Variants in SLC1A6 observed in about 807,000 individuals in gnomAD.
SLC1A6 encodes excitatory amino acid transporter 4.
SLC1A6 carries 15 observed loss-of-function variants against 42.1 expected under a neutral mutation model. The observed-to-expected ratio is 0.36, with a 90% CI of 0.24 to 0.55. The LOEUF is 0.55. SLC1A6 is among the 20% of genes least tolerant of loss of function. SLC1A6 has a pLI of 0.88. For synonymous variants in SLC1A6, 317 were observed against 319.7 expected (o/e 0.99, Z 0.09); for missense variants, 542 against 772.5 (o/e 0.70, Z 3.54).
intron 3 of SLC1A6, among the ~76,000 whole-genome samples, chr19:14,971,417 G>A (rs1420579680): frequency 1.3e-5 from 2 of 152,018 alleles, no homozygotes; most frequent in Admixed American, 6.6e-5. Context: ...CCATAGCCCA[G>A]CCACCCTCCC....
At chr19:14,989,835 T>C (rs1227165791) in intron 1 of SLC1A6, among the ~76,000 whole-genome samples, 1 of 151,034 alleles carries the variant, frequency 6.6e-6, no homozygotes, top group Non-Finnish European at 1.5e-5. Flanking sequence ...GTACTAAACA[T>C]ACAAAAATCA....
At position 14,950,350 on chromosome 19, in the gene SLC1A6, T is replaced by C. The variant is rs752878402; in HGVS notation, c.1540A>G (p.Ile514Val). 49 of 1,606,920 alleles carry C rather than the reference T, an allele frequency of 3.0e-5. No homozygotes were observed. The Middle Eastern group carries it at 9.9e-4, about 32-fold the overall frequency. Reference sequence around the variant, plus strand: ...AAGTGCTCGATGACGGCCGCTCCAATTGAGTCCCCCAGTACGTTGGTCATT... The same window carrying C: ...AAGTGCTCGATGACGGCCGCTCCAACTGAGTCCCCCAGTACGTTGGTCATT... ...RTMTNVLGDSIGAAVIEHLSQ... is the reference protein window; with the variant it reads ...RTMTNVLGDSVGAAVIEHLSQ... Residue 514 changes from isoleucine (I) to valine (V), a missense_variant, in exon 10 of 10, where the codon ATT becomes GTT. Physicochemically the swap from Ile to Val is conservative, Grantham distance 29. Transcript: ENST00000594383.
chr19:14,997,310 A>T (rs1049058095), intron 1 of SLC1A6, among the ~76,000 whole-genome samples: 1 of 152,154 alleles, frequency 6.6e-6, no homozygotes, highest in Non-Finnish European at 1.5e-5. Flanking sequence ...CTTCTTACAG[A>T]TATTTACTGA....
chr19:14,975,151 G>A (rs74932373), intron 1 of SLC1A6: 4,597 of 125,332 alleles, frequency 0.037, 199 homozygotes, highest in East Asian at 0.24. Context: ...AAGGGTAGGC[G>A]GGAGGAGAGG....
intron 1 of SLC1A6, among the ~76,000 whole-genome samples, chr19:14,992,572 C>T (rs1276830233): frequency 6.6e-6 from 1 of 151,820 alleles, no homozygotes; most frequent in Admixed American, 6.6e-5. Flanking sequence ...GCAGGAGAAT[C>T]GCTTGAACTC....
At chr19:15,009,154 G>C (rs2045911237) in intron 1 of SLC1A6, among the ~76,000 whole-genome samples, 1 of 111,692 alleles carries the variant, frequency 9.0e-6, no homozygotes, top group African/African-American at 4.3e-5. Flanking sequence ...ACATAGATAT[G>C]CTATCTAGAC....
At chr19:14,982,819 T>C (rs764755517), upstream of SLC1A6, among the ~76,000 whole-genome samples, 39 of 152,152 alleles carry the variant, frequency 2.6e-4, no homozygotes, top group Non-Finnish European at 5.1e-4. Context: ...GTATCAGAAA[T>C]TAAAACTGAA....
At chr19:14,958,382 G>A (rs908695589) in intron 6 of SLC1A6, among the ~76,000 whole-genome samples, 1 of 151,432 alleles carries the variant, frequency 6.6e-6, no homozygotes, top group African/African-American at 2.4e-5. Context: ...CTGCACTCCA[G>A]CTTGGGCGAC....
rs77432747 is a variant in SLC1A6, at chr19:15,006,239, G to A, written c.6+4246C>T. ...TACCTGAGTTGACAGATGGGGCAAC[G>A]CAGGCACAGAGATGTTAAGTGAATT... On this transcript the variant is annotated intron_variant, in intron 1 of 8. Coordinates refer to the SLC1A6 transcript ENST00000430939. 3.9e-3 allele frequency among the ~76,000 whole-genome samples: 596 copies of A among 152,242 alleles called. 8 individuals carry two copies. Among genetic ancestry groups the A allele is most frequent in the African/African-American group, 0.014 (565 of 41,536 alleles).
At chr19:14,960,939 T>TG (rs1039556156) in intron 6 of SLC1A6, among the ~76,000 whole-genome samples, 5 of 151,214 alleles carry the variant, frequency 3.3e-5, no homozygotes, top group African/African-American at 1.2e-4. Context: ...CCTTTTTTTT[T>TG]TTTTTTGAGA....
chr19:15,009,392 A>G (rs56326890), intron 1 of SLC1A6, among the ~76,000 whole-genome samples: 36,749 of 152,074 alleles, frequency 0.24, 4,697 homozygotes, highest in African/African-American at 0.28. Flanking sequence ...TAGCAGATAT[A>G]TATCACATAT....
Position 14,950,061 on chromosome 19 carries a change from C to T in SLC1A6, c.*134G>A. The T allele has an allele frequency of 1.8e-6, 1 of 557,962 alleles. No homozygotes were observed. The highest frequency in any genetic ancestry group is 3.0e-6 in the Non-Finnish European group (1 of 334,046). 34.6% of individuals were successfully genotyped at this position (557,962 alleles called of 1,614,324 possible). A position where few individuals can be genotyped will look rare whatever the true frequency, so the allele number is the denominator to read the frequency against. On this transcript the variant is annotated 3_prime_UTR_variant, in exon 10 of 10. Transcript: ENST00000594383. ...CTTTCATTCCTGCTCCTTTATTTCA[C>T]TTTTCCCTCCCCCCTAAATGAGTCA... is the stretch of plus-strand genomic sequence containing the variant.
intron 1 of SLC1A6, among the ~76,000 whole-genome samples, chr19:14,997,532 C>A (rs1039949171): frequency 6.6e-6 from 1 of 152,082 alleles, no homozygotes; most frequent in African/African-American, 2.4e-5. Flanking sequence ...CAGATTAAGG[C>A]GGGAAACCAG....
chr19:14,960,979 A>G (rs2145177531), intron 6 of SLC1A6, among the ~76,000 whole-genome samples: 3 of 143,884 alleles, frequency 2.1e-5, no homozygotes, highest in African/African-American at 7.8e-5. Context: ...CCAGGCAACC[A>G]CAACTCACTG....
chr19:14,953,886 G>A (rs1253375219), intron 8 of SLC1A6, among the ~76,000 whole-genome samples: 1 of 152,168 alleles, frequency 6.6e-6, no homozygotes, highest in Non-Finnish European at 1.5e-5. Context: ...GGAAAACACT[G>A]GACAAATGGA....
At chr19:14,975,801 C>CGGAAGGGAAGGGAAGGGGACAAAG (rs1386666396) in intron 1 of SLC1A6, among the ~76,000 whole-genome samples, 35 of 92,456 alleles carry the variant, frequency 3.8e-4, no homozygotes, top group Non-Finnish European at 7.1e-4. Flanking sequence ...GGGAAGGGAA[C>CGGAAGGGAAGGGAAGGGGACAAAG]GGAAGGGAAG....
At chr19:14,992,330 C>G (rs1239836425) in intron 1 of SLC1A6, among the ~76,000 whole-genome samples, 2 of 152,174 alleles carry the variant, frequency 1.3e-5, no homozygotes, top group Admixed American at 1.3e-4. Context: ...ACTGGTATCT[C>G]AACCTCACTG....
chr19:15,001,352 G>T (rs1255335801), intron 1 of SLC1A6, among the ~76,000 whole-genome samples: 2 of 152,172 alleles, frequency 1.3e-5, no homozygotes, highest in Admixed American at 6.5e-5. Flanking sequence ...AGTTCTTTAA[G>T]AGATAATATT....
intron 1 of SLC1A6, among the ~76,000 whole-genome samples, chr19:14,994,082 G>A (rs958613395): frequency 3.9e-5 from 6 of 152,038 alleles, no homozygotes; most frequent in African/African-American, 1.5e-4. Flanking sequence ...ACTCCTTAGG[G>A]CTCCACACGA....
Sources: gnomAD v4.1 joint callset for allele counts (sites outside exome capture counted in the v4.1 genomes callset) on GRCh38, gnomAD v4.1.1 for gene constraint, MANE v1.5 for transcripts, NCBI Gene and HGNC (gene_info 2026-07-23, HGNC 2026-07-21) for gene names.